DNAJC1: variants seen among roughly 807,000 people sequenced by gnomAD.
DNAJC1 encodes the protein dnaJ homolog subfamily C member 1.
A neutral mutation model predicts 76.6 loss-of-function variants in DNAJC1; 58 were observed. The observed-to-expected ratio is 0.76, with a 90% CI of 0.61 to 0.94. The LOEUF is 0.94. Among genes scored for constraint, DNAJC1 ranks in the 40% least tolerant of loss-of-function variants. DNAJC1 has a pLI of 0.00. For missense variants in DNAJC1, 689 were observed against 677.3 expected (o/e 1.02, Z -0.19); for synonymous variants, 258 against 267.9 (o/e 0.96, Z 0.36).
At chr10:21,888,186 T>C (rs1047479170) in intron 7 of DNAJC1, among the ~76,000 whole-genome samples, 1 of 152,152 alleles carries the variant, frequency 6.6e-6, no homozygotes, top group Non-Finnish European at 1.5e-5. Flanking sequence ...CACAATGAGA[T>C]ACCATCTCTA....
At chr10:21,781,910 G>A (rs1165127394) in intron 9 of DNAJC1, among the ~76,000 whole-genome samples, 1 of 151,962 alleles carries the variant, frequency 6.6e-6, no homozygotes, top group Non-Finnish European at 1.5e-5. Context: ...TGAGTAGAGG[G>A]AAATTTATAG....
Position 21,930,027 on chromosome 10 carries a change from G to A in DNAJC1, c.223-886C>T, listed in dbSNP as rs1837195978. On this transcript the variant is annotated intron_variant, in intron 1 of 11. Coordinates refer to ENST00000376980, the MANE Select transcript of DNAJC1 (RefSeq NM_022365.4). Reference sequence around the variant, plus strand: ...GTCTGATTCTACCACCCAGGCTGGAGTGCGGCGGCACAATCTCAGCTCACT... The same window carrying A: ...GTCTGATTCTACCACCCAGGCTGGAATGCGGCGGCACAATCTCAGCTCACT... 2.0e-5 allele frequency among the ~76,000 whole-genome samples: 3 copies of A among 152,320 alleles called. No homozygotes were observed. In the South Asian group the frequency reaches 6.2e-4, roughly 32 times the overall value.
intron 9 of DNAJC1, among the ~76,000 whole-genome samples, chr10:21,773,685 C>T (rs752002706): frequency 1.3e-5 from 2 of 152,118 alleles, no homozygotes; most frequent in Non-Finnish European, 2.9e-5. Flanking sequence ...TCCATCTCTT[C>T]CTTCAATTCT....
chr10:21,996,833 T>G (rs1187383761), intron 1 of DNAJC1, among the ~76,000 whole-genome samples: 1 of 151,716 alleles, frequency 6.6e-6, no homozygotes, highest in Non-Finnish European at 1.5e-5. Context: ...ACAAAAAGAG[T>G]GTGTACATAA....
chr10:21,923,226 T>C (rs1837065924), intron 3 of DNAJC1, among the ~76,000 whole-genome samples: 1 of 151,962 alleles, frequency 6.6e-6, no homozygotes, highest in Admixed American at 6.6e-5. Flanking sequence ...GATTTTACTA[T>C]CAATGAACTA....
chr10:21,846,448 T>C (rs962809029), intron 8 of DNAJC1, among the ~76,000 whole-genome samples: 8 of 152,144 alleles, frequency 5.3e-5, no homozygotes, highest in Admixed American at 1.3e-4. Flanking sequence ...AATGCATCTG[T>C]GGATAAGGTG....
intron 8 of DNAJC1, among the ~76,000 whole-genome samples, chr10:21,828,522 C>T (rs527472695): frequency 3.9e-4 from 59 of 152,274 alleles, no homozygotes; most frequent in African/African-American, 1.3e-3. Flanking sequence ...CTGTTGAATA[C>T]ATACTTGATT....
chr10:21,869,215 C>CAAAAAAAAAAAAAAAAAAAAAAAAAAA (rs552376355), intron 8 of DNAJC1, among the ~76,000 whole-genome samples: 1 of 94,454 alleles, frequency 1.1e-5, no homozygotes, highest in Non-Finnish European at 2.2e-5. Context: ...GACCATATCT[C>CAAAAAAAAAAAAAAAAAAAAAAAAAAA]AAAAAAAAAA....
rs540908754 is a variant in DNAJC1, at chr10:21,840,196, C to T, written c.979-34097G>A. 3.3e-5 allele frequency among the ~76,000 whole-genome samples: 5 copies of T among 152,286 alleles called. No homozygotes were observed. In the South Asian group the frequency reaches 1.0e-3, roughly 32 times the overall value. On this transcript the variant is annotated intron_variant, in intron 8 of 11. Coordinates refer to ENST00000376980, the MANE Select transcript of DNAJC1 (RefSeq NM_022365.4). ...ATTCCCTTTGAAAACTGGCACAAGA[C>T]AGGGATGCCCTCTCTCACCACTCCT...
intron 1 of DNAJC1, among the ~76,000 whole-genome samples, chr10:21,972,745 C>G (rs1838000837): frequency 6.6e-6 from 1 of 151,988 alleles, no homozygotes; most frequent in Non-Finnish European, 1.5e-5. Context: ...CTGATGATCA[C>G]CCACTGGTTT....
intron 8 of DNAJC1, among the ~76,000 whole-genome samples, chr10:21,865,024 C>A (rs1318591115): frequency 1.3e-5 from 2 of 152,122 alleles, no homozygotes; most frequent in Non-Finnish European, 2.9e-5. Context: ...CGTACTCCTA[C>A]ACATCCACTA....
intron 8 of DNAJC1, among the ~76,000 whole-genome samples, chr10:21,844,047 T>A (rs555509605): frequency 1.3e-5 from 2 of 152,326 alleles, no homozygotes; most frequent in South Asian, 4.1e-4. Flanking sequence ...GCACAAGCTC[T>A]CTTGCCTGCT....
chr10:21,940,800 A>G (rs575580150), intron 1 of DNAJC1, among the ~76,000 whole-genome samples: 1 of 152,304 alleles, frequency 6.6e-6, no homozygotes, highest in African/African-American at 2.4e-5. Flanking sequence ...CAGACCAACT[A>G]TCCACAGAAC....
intron 9 of DNAJC1, among the ~76,000 whole-genome samples, chr10:21,788,933 G>C (rs1356939408): frequency 6.6e-6 from 1 of 152,088 alleles, no homozygotes; most frequent in Non-Finnish European, 1.5e-5. Context: ...AGCACTAAGA[G>C]CAACCTACAT....
chr10:21,859,196 A>G (rs1438073403), intron 8 of DNAJC1, among the ~76,000 whole-genome samples: 1 of 152,202 alleles, frequency 6.6e-6, no homozygotes. Flanking sequence ...TAAGAAGGTT[A>G]AGAAGTTCCT....
At chr10:21,845,971 A>T (rs1420191021) in intron 8 of DNAJC1, among the ~76,000 whole-genome samples, 2 of 152,188 alleles carry the variant, frequency 1.3e-5, no homozygotes, top group Non-Finnish European at 1.5e-5. Flanking sequence ...CCACCTCTAG[A>T]TTAAATTGTA....
intron 7 of DNAJC1, among the ~76,000 whole-genome samples, chr10:21,886,210 C>T (rs1836364556): frequency 6.6e-6 from 1 of 152,078 alleles, no homozygotes; most frequent in South Asian, 2.1e-4. Flanking sequence ...AACCTCTATG[C>T]ACACAAACTA....
At chr10:21,820,929 A>C (rs968107426) in intron 8 of DNAJC1, among the ~76,000 whole-genome samples, 1 of 152,160 alleles carries the variant, frequency 6.6e-6, no homozygotes, top group African/African-American at 2.4e-5. Context: ...GAACCTCCAC[A>C]CGTTCAGCTA....
At chr10:21,979,760 T>A (rs924921306) in intron 1 of DNAJC1, among the ~76,000 whole-genome samples, 6 of 151,868 alleles carry the variant, frequency 4.0e-5, no homozygotes, top group Admixed American at 6.6e-5. Context: ...TCAATCCGGC[T>A]AAGGTACAAT....
Sources: gnomAD v4.1 joint callset for allele counts (sites outside exome capture counted in the v4.1 genomes callset) on GRCh38, gnomAD v4.1.1 for gene constraint, MANE v1.5 for transcripts, NCBI Gene and HGNC (gene_info 2026-07-23, HGNC 2026-07-21) for gene names.